KTN1: variants seen among roughly 807,000 people sequenced by gnomAD.
KTN1 encodes the protein kinectin 1, also known as kinectin.
In KTN1, 130 loss-of-function variants were observed where a neutral mutation model predicts 222.5. The ratio of observed to expected loss-of-function variants is 0.58; its 90% CI spans 0.51 to 0.68. The LOEUF (loss-of-function observed/expected upper bound fraction) is 0.68, where lower values mean the gene tolerates loss of function less well. KTN1 is among the 30% of genes least tolerant of loss of function. KTN1 has a pLI of 0.00. For synonymous variants in KTN1, 512 were observed against 496.3 expected (o/e 1.03, Z -0.42); for missense variants, 1,508 against 1,500.4 (o/e 1.01, Z -0.08).
At chr14:55,662,774 G>A (rs1385056630) in intron 32 of KTN1, 3 of 369,066 alleles carry the variant, frequency 8.1e-6, no homozygotes, top group Non-Finnish European at 1.7e-5. Context: ...TCAAAATTAG[G>A]TACATGAATT....
intron 1 of KTN1, 151 bp from the exon 2 acceptor site, chr14:55,611,863 TAAATC>T: frequency 2.8e-6 from 1 of 358,986 alleles, no homozygotes; most frequent in Non-Finnish European, 5.0e-6. Flanking sequence ...AGTTGGCAAA[TAAATC>T]AAGAATGTGA....
At chr14:55,680,758 A>G in intron 43 of KTN1, 3 of 1,292,568 alleles carry the variant, frequency 2.3e-6, no homozygotes, top group Non-Finnish European at 3.1e-6. Context: ...TATCTCTAAC[A>G]TGACTTTCCA....
At chr14:55,617,829 A>C (rs2038602499) in intron 3 of KTN1, 135 bp from the exon 4 acceptor site, 1 of 621,854 alleles carries the variant, frequency 1.6e-6, no homozygotes, top group Non-Finnish European at 2.7e-6. Context: ...AAATGACGAA[A>C]TAGGAATTTA....
intron 9 of KTN1, among the ~76,000 whole-genome samples, chr14:55,635,643 CA>C (rs1178757995): frequency 6.6e-6 from 1 of 152,214 alleles, no homozygotes; most frequent in African/African-American, 2.4e-5. Flanking sequence ...ATTTTATATG[CA>C]TTCTGAAGCA....
At chr14:55,593,750 T>G (rs1170789829) in intron 1 of KTN1, among the ~76,000 whole-genome samples, 1 of 152,188 alleles carries the variant, frequency 6.6e-6, no homozygotes, top group East Asian at 1.9e-4. Flanking sequence ...TTGTCTTTTT[T>G]TTTTCTCCAG....
chr14:55,654,421 T>A (rs1595136606), intron 28 of KTN1, among the ~76,000 whole-genome samples: 1 of 152,216 alleles, frequency 6.6e-6, no homozygotes, highest in African/African-American at 2.4e-5. Context: ...ATGGTGTAAC[T>A]GTCGAGGTGC....
intron 43 of KTN1, chr14:55,682,932 T>C (rs2046496613): frequency 6.6e-6 from 1 of 152,182 alleles, no homozygotes; most frequent in African/African-American, 2.4e-5. Flanking sequence ...ATATTTGGTT[T>C]GTCAGTAGCG....
At chr14:55,600,544 CT>C (rs2035816359) in intron 1 of KTN1, among the ~76,000 whole-genome samples, 1 of 152,150 alleles carries the variant, frequency 6.6e-6, no homozygotes, top group African/African-American at 2.4e-5. Flanking sequence ...TTCATCCCTG[CT>C]TTTCAAACAT....
Position 55,629,743 on chromosome 14 carries a change from A to G in KTN1, c.1081-214A>G, listed in dbSNP as rs186414994. Among the ~76,000 whole-genome samples the G allele has an allele frequency of 2.8e-3, 422 of 152,324 alleles. 2 individuals carry two copies. Among genetic ancestry groups the G allele is most frequent in the African/African-American group, 9.5e-3 (397 of 41,580 alleles). ...TGAATTAAGAGTAAACAACAGTGGC[A>G]AAGTGTTTATGAAGGGAATTGGCGT... On this transcript the variant is annotated intron_variant, in intron 6 of 43. Transcript: ENST00000395314.
intron 1 of KTN1, among the ~76,000 whole-genome samples, chr14:55,582,743 A>C (rs1440341433): frequency 6.6e-6 from 1 of 152,176 alleles, no homozygotes; most frequent in Admixed American, 6.5e-5. Flanking sequence ...GGTTCTAGGA[A>C]GGTTTTGGTT....
intron 1 of KTN1, among the ~76,000 whole-genome samples, chr14:55,592,539 A>G (rs768395610): frequency 2.1e-4 from 32 of 152,268 alleles, no homozygotes; most frequent in Non-Finnish European, 2.5e-4. Flanking sequence ...GGACTTGACT[A>G]TGGGAGATTT....
chr14:55,677,334 G>A (rs78827441), intron 41 of KTN1, among the ~76,000 whole-genome samples: 6 of 152,024 alleles, frequency 3.9e-5, no homozygotes, highest in African/African-American at 9.6e-5. Context: ...AAAATTAGCC[G>A]GGTGTGGTGG....
chr14:55,590,486 C>T (rs1239884413), intron 1 of KTN1, among the ~76,000 whole-genome samples: 1 of 152,076 alleles, frequency 6.6e-6, no homozygotes, highest in African/African-American at 2.4e-5. Flanking sequence ...AGAACATAAT[C>T]CTTTTTATTT....
intron 41 of KTN1, among the ~76,000 whole-genome samples, chr14:55,677,558 T>C (rs1163960517): frequency 1.3e-5 from 2 of 152,050 alleles, no homozygotes; most frequent in South Asian, 2.1e-4. Context: ...AGCTCACTTA[T>C]GTAATATTTT....
intron 1 of KTN1, among the ~76,000 whole-genome samples, chr14:55,585,231 AG>A (rs2032727451): frequency 6.6e-6 from 1 of 151,550 alleles, no homozygotes; most frequent in African/African-American, 2.4e-5. Context: ...TTCCTCTTTC[AG>A]GGATGGTCAG....
Position 55,595,269 on chromosome 14 carries a change from GC to G in KTN1, c.-31+14916del, listed in dbSNP as rs536919637. 1.6e-3 allele frequency among the ~76,000 whole-genome samples: 246 copies of G among 152,294 alleles called. 2 individuals carry two copies. The South Asian group carries it at 0.02, about 12-fold the overall frequency. The stretch of plus-strand genomic sequence containing the variant: ...TCACTCTATAGAATATTTTGTGTGT[GC>G]TTAGGTAAACAGTCACTAATACCAA... On this transcript the variant is annotated intron_variant, in intron 1 of 43. Coordinates refer to ENST00000395314, the MANE Select transcript of KTN1 (RefSeq NM_001079521.2).
At chr14:55,643,212 G>C (rs1430757307) in intron 18 of KTN1, among the ~76,000 whole-genome samples, 2 of 151,940 alleles carry the variant, frequency 1.3e-5, no homozygotes, top group Non-Finnish European at 2.9e-5. Flanking sequence ...GCCCAGCTAA[G>C]GCTTATTTTT....
intron 1 of KTN1, among the ~76,000 whole-genome samples, chr14:55,605,579 T>G (rs944054020): frequency 6.6e-6 from 1 of 152,132 alleles, no homozygotes; most frequent in Non-Finnish European, 1.5e-5. Context: ...ATGCAAGTAG[T>G]TTGGGCCCTA....
chr14:55,620,492 A>C (rs1362975701), intron 5 of KTN1, among the ~76,000 whole-genome samples: 1 of 152,208 alleles, frequency 6.6e-6, no homozygotes, highest in Non-Finnish European at 1.5e-5. Flanking sequence ...CTGCCTGGAC[A>C]TCCAGGTGTT....
Sources: gnomAD v4.1 joint callset for allele counts (sites outside exome capture counted in the v4.1 genomes callset) on GRCh38, gnomAD v4.1.1 for gene constraint, MANE v1.5 for transcripts, NCBI Gene and HGNC (gene_info 2026-07-23, HGNC 2026-07-21) for gene names.